CDC14A: variants seen among roughly 807,000 people sequenced by gnomAD.
CDC14A encodes the protein cell division cycle 14A.
Under a neutral mutation model 74.4 loss-of-function variants are expected in CDC14A, and 53 were observed. The ratio of observed to expected loss-of-function variants is 0.71; its 90% CI spans 0.57 to 0.89. The LOEUF is 0.89. Among genes scored for constraint, CDC14A ranks in the 40% least tolerant of loss-of-function variants. The pLI, the probability that CDC14A is intolerant of heterozygous loss-of-function variation, is 0.00. For missense variants in CDC14A, 646 were observed against 713.7 expected, an observed-to-expected ratio of 0.91 and a Z score of 1.08; for synonymous variants, 247 against 258.4, an observed-to-expected ratio of 0.96 and a Z score of 0.43.
intron 7 of CDC14A, among the ~76,000 whole-genome samples, chr1:100,450,369 G>A (rs1666012749): frequency 6.6e-6 from 1 of 152,194 alleles, no homozygotes; most frequent in South Asian, 2.1e-4. Context: ...ATGTAATCTG[G>A]ATGCTGCTTG....
intron 2 of CDC14A, among the ~76,000 whole-genome samples, chr1:100,374,964 A>G (rs1038178079): frequency 1.3e-5 from 2 of 152,228 alleles, no homozygotes; most frequent in Admixed American, 1.3e-4. Context: ...TGACAGAGAG[A>G]CTTACATTGT....
chr1:100,392,233 AT>A (rs1657813273), intron 4 of CDC14A, among the ~76,000 whole-genome samples: 1 of 152,168 alleles, frequency 6.6e-6, no homozygotes, highest in Non-Finnish European at 1.5e-5. Flanking sequence ...TAAGCTGAAT[AT>A]TTTTTACCTT....
At chr1:100,382,530 G>C (rs1198991716) in intron 3 of CDC14A, among the ~76,000 whole-genome samples, 3 of 151,188 alleles carry the variant, frequency 2.0e-5, no homozygotes, top group Non-Finnish European at 2.9e-5. Context: ...GAGCCACTGT[G>C]CTTGGCCGTC....
At chr1:100,358,844 A>G (rs529332980) in intron 2 of CDC14A, among the ~76,000 whole-genome samples, 1 of 152,328 alleles carries the variant, frequency 6.6e-6, no homozygotes, top group South Asian at 2.1e-4. Context: ...AAGCATGGAA[A>G]AACTACTCTT....
intron 15 of CDC14A, among the ~76,000 whole-genome samples, chr1:100,506,341 C>A (rs1054869318): frequency 6.6e-6 from 1 of 152,144 alleles, no homozygotes; most frequent in Non-Finnish European, 1.5e-5. Flanking sequence ...CTAAGGGATA[C>A]TAACTACATA....
chr1:100,395,658 T>C (rs1658367348), intron 4 of CDC14A, among the ~76,000 whole-genome samples: 1 of 152,242 alleles, frequency 6.6e-6, no homozygotes, highest in Admixed American at 6.5e-5. Flanking sequence ...CAGAGTAGTC[T>C]TTTAAAATTG....
chr1:100,379,885 A>C (rs1557697405), intron 3 of CDC14A, among the ~76,000 whole-genome samples: 1 of 152,062 alleles, frequency 6.6e-6, no homozygotes, highest in African/African-American at 2.4e-5. Context: ...TCTTTTTAAC[A>C]ACAAAATCTT....
At chr1:100,487,177 A>G (rs989069176) in intron 11 of CDC14A, among the ~76,000 whole-genome samples, 4 of 152,208 alleles carry the variant, frequency 2.6e-5, no homozygotes, top group Non-Finnish European at 5.9e-5. Context: ...CAGAGATTCT[A>G]AATTATTATT....
At chr1:100,356,554 A>G (rs1651906934) in intron 2 of CDC14A, among the ~76,000 whole-genome samples, 1 of 152,048 alleles carries the variant, frequency 6.6e-6, no homozygotes, top group South Asian at 2.1e-4. Context: ...ATAAGAGCCC[A>G]CTTAAAAAAA....
chr1:100,362,421 GA>G (rs1351082517), intron 2 of CDC14A, among the ~76,000 whole-genome samples: 1 of 152,070 alleles, frequency 6.6e-6, no homozygotes, highest in Non-Finnish European at 1.5e-5. Flanking sequence ...TTTAAATGCT[GA>G]TTTTTTTAAT....
In CDC14A at chr1:100,499,216, C is replaced by T. The variant is rs1364459759; in HGVS notation, c.1709C>T (p.Thr570Ile). 6.2e-7 allele frequency: 1 copy of T among 1,614,204 alleles called. No homozygotes were observed. Among genetic ancestry groups the T allele is most frequent in the East Asian group, 2.2e-5 (1 of 44,880 alleles). ...ACCACCATCCTCCGACCCTCCTACA[C>T]CGGGCTTTCTTCTTCTTCAGCGAGA... Reference protein sequence around the residue: ...EHTTILRPSYTGLSSSSARFL... With the variant: ...EHTTILRPSYIGLSSSSARFL... The change falls in exon 15 of 16, where the codon ACC (threonine) becomes ATC (isoleucine). Residue 570 changes from threonine to isoleucine, a missense_variant. By Grantham distance (89) the Thr-to-Ile change is moderately conservative. Transcript: ENST00000336454.
intron 9 of CDC14A, among the ~76,000 whole-genome samples, chr1:100,467,407 G>A (rs1005993144): frequency 6.7e-5 from 10 of 148,988 alleles, no homozygotes; most frequent in East Asian, 4.0e-4. Flanking sequence ...ACACACGCGC[G>A]CACACACACA....
At chr1:100,422,098 C>T (rs1473560290) in intron 4 of CDC14A, among the ~76,000 whole-genome samples, 1 of 152,122 alleles carries the variant, frequency 6.6e-6, no homozygotes, top group African/African-American at 2.4e-5. Context: ...TGTTGGGTTT[C>T]ACTTTGCACT....
chr1:100,449,285 C>G (rs1006814360), intron 7 of CDC14A, among the ~76,000 whole-genome samples: 1 of 152,296 alleles, frequency 6.6e-6, no homozygotes, highest in East Asian at 1.9e-4. Context: ...ATCAAGACTT[C>G]ACATTACTAT....
chr1:100,417,127 G>C (rs1370191165), intron 4 of CDC14A, among the ~76,000 whole-genome samples: 2 of 152,210 alleles, frequency 1.3e-5, no homozygotes, highest in Non-Finnish European at 2.9e-5. Context: ...AAGGCAGAGA[G>C]CTTTGAGAAC....
chr1:100,403,077 G>T (rs1379352645), intron 4 of CDC14A, among the ~76,000 whole-genome samples: 2 of 152,154 alleles, frequency 1.3e-5, no homozygotes, highest in Non-Finnish European at 2.9e-5. Context: ...GTGATAGGGG[G>T]ATAAGAGAAG....
At position 100,455,503 on chromosome 1, in the gene CDC14A, T is replaced by C; in HGVS notation, c.607+11T>C. On this transcript the variant is annotated intron_variant, in intron 8 of 15. Transcript: ENST00000336454. ...GCAAAATTGAGAATGGTAGGTTTTT[T>C]TTTCCTTTACCATCCAAACATTTAT... The C allele has an allele frequency of 6.7e-7, 1 of 1,487,798 alleles. No homozygotes were observed. The highest frequency in any genetic ancestry group is 9.2e-7 in the Non-Finnish European group (1 of 1,085,012). The allele number at this position is 1,487,798 out of a possible 1,614,324, so 92.2% of individuals were successfully genotyped here. A position where few individuals can be genotyped will look rare whatever the true frequency, so the allele number is the denominator to read the frequency against.
chr1:100,403,352 G>A (rs1204334256), intron 4 of CDC14A, among the ~76,000 whole-genome samples: 2 of 152,078 alleles, frequency 1.3e-5, no homozygotes, highest in African/African-American at 4.8e-5. Flanking sequence ...CTCACTAATG[G>A]GTTGTAACCT....
intron 4 of CDC14A, among the ~76,000 whole-genome samples, chr1:100,400,601 T>C (rs2074081108): frequency 6.6e-6 from 1 of 152,218 alleles, no homozygotes; most frequent in Non-Finnish European, 1.5e-5. Context: ...TCTTTTGTGA[T>C]GTTGCCTGTA....
Sources: allele counts gnomAD v4.1 joint callset (sites outside exome capture counted in the v4.1 genomes callset), GRCh38; gene constraint gnomAD v4.1.1; transcripts MANE v1.5; gene names NCBI Gene and HGNC (gene_info 2026-07-23, HGNC 2026-07-21).